The following ANKRD28 variants were observed in gnomAD, a reference collection of about 807,000 sequenced individuals.
The protein encoded by ANKRD28 is serine/threonine-protein phosphatase 6 regulatory ankyrin repeat subunit A.
Under a neutral mutation model 126.5 loss-of-function variants are expected in ANKRD28, and 44 were observed. The ratio of observed to expected loss-of-function variants is 0.35; its 90% CI spans 0.27 to 0.45. The LOEUF is 0.45. Among genes scored for constraint, ANKRD28 ranks in the 20% least tolerant of loss-of-function variants. ANKRD28 has a pLI of 1.00. For synonymous variants in ANKRD28, 442 were observed against 468.5 expected (o/e 0.94, Z 0.73); for missense variants, 1,110 against 1,316.6 (o/e 0.84, Z 2.43).
chr3:15,749,378 C>T (rs1029730025), intron 4 of ANKRD28, among the ~76,000 whole-genome samples: 1 of 152,020 alleles, frequency 6.6e-6, no homozygotes, highest in African/African-American at 2.4e-5. Flanking sequence ...TCCCAAAGTG[C>T]TGGGATTACA....
chr3:15,771,473 A>G (rs1352768680), intron 2 of ANKRD28, among the ~76,000 whole-genome samples: 1 of 151,976 alleles, frequency 6.6e-6, no homozygotes, highest in East Asian at 1.9e-4. Flanking sequence ...GGAAGCTTAC[A>G]ATGGTGGTAG....
chr3:15,813,660 A>G (rs1340817054), intron 1 of ANKRD28, among the ~76,000 whole-genome samples: 1 of 152,220 alleles, frequency 6.6e-6, no homozygotes, highest in Non-Finnish European at 1.5e-5. Context: ...ACTACCAATG[A>G]TATCAAACAA....
intron 1 of ANKRD28, among the ~76,000 whole-genome samples, chr3:15,857,126 T>C (rs2061790593): frequency 6.6e-6 from 1 of 152,200 alleles, no homozygotes; most frequent in East Asian, 1.9e-4. Flanking sequence ...TAAAACAACA[T>C]ATAAGATGCC....
chr3:15,738,472 T>C (rs1182991526), intron 4 of ANKRD28: 1 of 152,244 alleles, frequency 6.6e-6, no homozygotes, highest in Non-Finnish European at 1.5e-5. Flanking sequence ...AATGAAGTTT[T>C]GGGCACACAT....
At chr3:15,806,528 T>TC (rs1238916823) in intron 1 of ANKRD28, among the ~76,000 whole-genome samples, 1 of 148,526 alleles carries the variant, frequency 6.7e-6, no homozygotes, top group East Asian at 1.9e-4. Context: ...CATCACATCT[T>TC]TTTTTTTTTT....
chr3:15,837,886 G>C (rs1266358799), intron 1 of ANKRD28, among the ~76,000 whole-genome samples: 1 of 135,110 alleles, frequency 7.4e-6, no homozygotes, highest in Non-Finnish European at 1.6e-5. Flanking sequence ...CTTTAATTAA[G>C]CTAACCAGAA....
intron 10 of ANKRD28, 135 bp from the exon 11 acceptor site, chr3:15,712,357 G>T: frequency 2.7e-6 from 2 of 743,324 alleles, no homozygotes; most frequent in Non-Finnish European, 4.5e-6. Flanking sequence ...AGAGTAATTT[G>T]GTTAAAGTTT....
chr3:15,735,544 TG>T, intron 5 of ANKRD28, 47 bp from the exon 6 acceptor site: 1 of 1,363,932 alleles, frequency 7.3e-7, no homozygotes, highest in Non-Finnish European at 1.0e-6. Context: ...GAAGCACAAT[TG>T]TCTATGAATG....
At chr3:15,671,607 C>G (rs1232488507) in intron 27 of ANKRD28, among the ~76,000 whole-genome samples, 1 of 137,142 alleles carries the variant, frequency 7.3e-6, no homozygotes, top group Non-Finnish European at 1.5e-5. Flanking sequence ...TTTTTTGAGA[C>G]AGAGTCTGCT....
chr3:15,715,920 T>C (rs1001445082), intron 8 of ANKRD28, among the ~76,000 whole-genome samples: 1 of 152,064 alleles, frequency 6.6e-6, no homozygotes, highest in African/African-American at 2.4e-5. Context: ...GGATTCTGTC[T>C]TTCCAAAATG....
At chr3:15,671,145 C>T (rs756734191) in intron 27 of ANKRD28, among the ~76,000 whole-genome samples, 2 of 152,156 alleles carry the variant, frequency 1.3e-5, no homozygotes, top group Non-Finnish European at 1.5e-5. Flanking sequence ...AGTAGACAAA[C>T]TAAGCAGATG....
chr3:15,779,055 C>T (rs2059427749), intron 2 of ANKRD28, among the ~76,000 whole-genome samples: 1 of 152,152 alleles, frequency 6.6e-6, no homozygotes. Context: ...GTCAATTAAA[C>T]CTCTTTTTTA....
Position 15,797,275 on chromosome 3 carries a change from C to T in ANKRD28, c.-754G>A, listed in dbSNP as rs746283512. On this transcript the variant is annotated 5_prime_UTR_variant, in exon 1 of 28. Coordinates refer to ENST00000683139, the MANE Select transcript of ANKRD28 (RefSeq NM_001349278.2). ...GTACGTTTACATGTGATGAGTCAGA[C>T]CACAAGAGACAATACGACTCTTGGT... The T allele has an allele frequency of 1.0e-6, 1 of 984,650 alleles. No individual in the cohort carries two copies. Among genetic ancestry groups the T allele is most frequent in the Non-Finnish European group, 1.2e-6 (1 of 829,818 alleles). 61.0% of individuals were successfully genotyped at this position (984,650 alleles called of 1,614,324 possible). A position where few individuals can be genotyped will look rare whatever the true frequency, so the allele number is the denominator to read the frequency against.
chr3:15,836,557 A>G (rs1486184840), intron 1 of ANKRD28, among the ~76,000 whole-genome samples: 2 of 152,180 alleles, frequency 1.3e-5, no homozygotes, highest in East Asian at 3.8e-4. Context: ...TTAAAAAGCA[A>G]TACCTAATTG....
At chr3:15,706,258 AGGCCCC>A (rs1469513114) in intron 14 of ANKRD28, among the ~76,000 whole-genome samples, 1 of 150,900 alleles carries the variant, frequency 6.6e-6, no homozygotes, top group African/African-American at 2.4e-5. Flanking sequence ...ACCCCATGAC[AGGCCCC>A]GGTGTGTGAT....
rs1575048322 is a variant in ANKRD28, at chr3:15,667,717, G to C, written c.*2553C>G. The C allele has an allele frequency of 6.6e-6, 1 of 152,318 alleles. No homozygotes were observed. Among genetic ancestry groups the C allele is most frequent in the East Asian group, 1.9e-4 (1 of 5,194 alleles). 9.4% of individuals were successfully genotyped at this position (152,318 alleles called of 1,614,324 possible). A position where few individuals can be genotyped will look rare whatever the true frequency, so the allele number is the denominator to read the frequency against. Reference sequence around the variant, plus strand: ...AAGGAAGTGGTTAAGCTGGGGGGCAGACTCTCACAGATGGATTACAAAAGT... The same window carrying C: ...AAGGAAGTGGTTAAGCTGGGGGGCACACTCTCACAGATGGATTACAAAAGT... On this transcript the variant is annotated 3_prime_UTR_variant, in exon 28 of 28. Transcript: ENST00000683139.
At chr3:15,738,029 C>T (rs1165473414) in intron 4 of ANKRD28, among the ~76,000 whole-genome samples, 5 of 152,098 alleles carry the variant, frequency 3.3e-5, no homozygotes, top group African/African-American at 1.2e-4. Context: ...AACATCACAA[C>T]ACTACCTCTA....
At chr3:15,807,314 G>A (rs1336251682) in intron 1 of ANKRD28, among the ~76,000 whole-genome samples, 1 of 152,176 alleles carries the variant, frequency 6.6e-6, no homozygotes, top group African/African-American at 2.4e-5. Flanking sequence ...AGGCAGAATA[G>A]GATTACCCTG....
chr3:15,742,777 AGCCACCCGGTCC>A (rs1472930265), intron 4 of ANKRD28, among the ~76,000 whole-genome samples: 4 of 133,282 alleles, frequency 3.0e-5, no homozygotes, highest in African/African-American at 1.1e-4. Flanking sequence ...CCGCCCGGCC[AGCCACCCGGTCC>A]GGGAGGTGAG....
Sources: allele counts gnomAD v4.1 joint callset (sites outside exome capture counted in the v4.1 genomes callset), GRCh38; gene constraint gnomAD v4.1.1; transcripts MANE v1.5; gene names NCBI Gene and HGNC (gene_info 2026-07-23, HGNC 2026-07-21).